Variants in SMYD3 observed in about 807,000 individuals in gnomAD.
The protein encoded by SMYD3 is histone-lysine N-methyltransferase SMYD3.
SMYD3 carries 36 observed loss-of-function variants against 57.7 expected under a neutral mutation model. That is an observed-to-expected ratio of 0.62 (90% confidence interval 0.48 to 0.82). The LOEUF (loss-of-function observed/expected upper bound fraction) is 0.82. Among genes scored for constraint, SMYD3 ranks in the 40% least tolerant of loss-of-function variants. The pLI, the probability that SMYD3 is intolerant of heterozygous loss-of-function variation, is 0.00. For missense variants in SMYD3, 515 were observed against 538.8 expected, an observed-to-expected ratio of 0.96 and a Z score of 0.44; for synonymous variants, 211 against 195.0, an observed-to-expected ratio of 1.08 and a Z score of -0.68.
intron 8 of SMYD3, among the ~76,000 whole-genome samples, chr1:245,887,583 T>C (rs2053158155): frequency 6.6e-6 from 1 of 152,186 alleles, no homozygotes; most frequent in Non-Finnish European, 1.5e-5. Flanking sequence ...TTTGAAACCA[T>C]CTCAATGAAA....
intron 5 of SMYD3, among the ~76,000 whole-genome samples, chr1:245,934,260 A>G (rs2056880993): frequency 1.3e-5 from 2 of 152,196 alleles, no homozygotes; most frequent in African/African-American, 4.8e-5. Flanking sequence ...TGGAAGGAGG[A>G]AGAGTTGGCA....
In SMYD3 at chr1:246,223,411, A is replaced by G. The variant is rs1289207956; in HGVS notation, c.531+103790T>C. On this transcript the variant is annotated intron_variant, in intron 5 of 11. Transcript: ENST00000490107. Reference sequence around the variant, plus strand: ...AGCACCTGACTGGGAGTAACTACTGAACTGGAAAAGATAGAGGCAGCCTGA... The same window carrying G: ...AGCACCTGACTGGGAGTAACTACTGGACTGGAAAAGATAGAGGCAGCCTGA... 2.0e-5 allele frequency among the ~76,000 whole-genome samples: 3 copies of G among 152,098 alleles called. 1 individual carries two copies. Among genetic ancestry groups the G allele is most frequent in the African/African-American group, 7.3e-5 (3 of 41,370 alleles).
chr1:245,920,185 C>A (rs1024743215), intron 7 of SMYD3, among the ~76,000 whole-genome samples: 3 of 151,904 alleles, frequency 2.0e-5, no homozygotes, highest in South Asian at 4.2e-4. Flanking sequence ...TGGTGGCGGG[C>A]GCCTGTAGTC....
intron 5 of SMYD3, among the ~76,000 whole-genome samples, chr1:246,102,473 C>G (rs1019028719): frequency 2.0e-5 from 3 of 152,110 alleles, no homozygotes; most frequent in Non-Finnish European, 2.9e-5. Flanking sequence ...TCCTCTCTTT[C>G]TCACTCAACC....
intron 9 of SMYD3, among the ~76,000 whole-genome samples, chr1:245,859,123 G>A (rs2051404740): frequency 6.6e-6 from 1 of 152,126 alleles, no homozygotes; most frequent in African/African-American, 2.4e-5. Context: ...GCTCATGTTT[G>A]CTTCTGTGTT....
intron 5 of SMYD3, among the ~76,000 whole-genome samples, chr1:246,252,465 T>C (rs1558351065): frequency 6.6e-6 from 1 of 152,202 alleles, no homozygotes; most frequent in Non-Finnish European, 1.5e-5. Context: ...CAAGGTCACA[T>C]AGACAGTAAG....
intron 5 of SMYD3, among the ~76,000 whole-genome samples, chr1:246,180,797 A>C (rs1205365907): frequency 1.9e-5 from 2 of 106,098 alleles, no homozygotes; most frequent in Non-Finnish European, 1.9e-5. Flanking sequence ...AAAAAAAAAA[A>C]CAACTCAGGA....
chr1:245,867,647 C>A (rs548133155), intron 8 of SMYD3, among the ~76,000 whole-genome samples: 2 of 142,514 alleles, frequency 1.4e-5, no homozygotes, highest in Admixed American at 6.9e-5. Flanking sequence ...TATGTGCATG[C>A]GCGTGCGTGT....
intron 5 of SMYD3, among the ~76,000 whole-genome samples, chr1:246,006,931 C>T (rs979410662): frequency 2.6e-5 from 4 of 152,184 alleles, no homozygotes; most frequent in African/African-American, 9.7e-5. Flanking sequence ...AGCCAGAGCT[C>T]GAGAAAAGGC....
At chr1:246,235,038 T>C (rs2063491500) in intron 5 of SMYD3, among the ~76,000 whole-genome samples, 1 of 152,172 alleles carries the variant, frequency 6.6e-6, no homozygotes, top group Non-Finnish European at 1.5e-5. Context: ...TGGAATCACG[T>C]TTTACTTTGC....
intron 1 of SMYD3, among the ~76,000 whole-genome samples, chr1:246,417,761 T>C (rs2067084680): frequency 6.6e-6 from 1 of 152,188 alleles, no homozygotes; most frequent in African/African-American, 2.4e-5. Context: ...GCTTATTACT[T>C]AGCAGAATTC....
chr1:245,858,502 G>C lies in SMYD3; in HGVS notation c.1070C>G (p.Pro357Arg). The change falls in exon 10 of 12, where the codon CCA becomes CGA. Residue 357 changes from proline (P) to arginine (R), a missense_variant. Pro to Arg is a moderately radical substitution (Grantham distance 103). Transcript: ENST00000490107. Reference protein sequence around the residue: ...ALFYGTRTMEPYRIFFPGSHP... With the variant: ...ALFYGTRTMERYRIFFPGSHP... ...CCCTCTCCCTGGGACTTGCCTGTAT[G>C]GCTCCATGGTCCGAGTACCATAGAA... 1.2e-6 allele frequency: 2 copies of C among 1,613,576 alleles called. No individual in the cohort carries two copies. Among genetic ancestry groups the C allele is most frequent in the Non-Finnish European group, 1.7e-6 (2 of 1,179,822 alleles).
At chr1:245,989,835 G>A (rs2058781227) in intron 5 of SMYD3, among the ~76,000 whole-genome samples, 1 of 152,156 alleles carries the variant, frequency 6.6e-6, no homozygotes, top group African/African-American at 2.4e-5. Context: ...ATCTATTAAT[G>A]AAATTATGTT....
intron 10 of SMYD3, among the ~76,000 whole-genome samples, chr1:245,833,086 T>A (rs928840276): frequency 9.2e-6 from 1 of 108,216 alleles, no homozygotes; most frequent in Non-Finnish European, 2.0e-5. Flanking sequence ...CCTGCTTTTA[T>A]AATGCTGATT....
At chr1:246,407,834 C>T (rs1419253222) in intron 1 of SMYD3, among the ~76,000 whole-genome samples, 1 of 142,282 alleles carries the variant, frequency 7.0e-6, no homozygotes, top group Non-Finnish European at 1.5e-5. Context: ...AGCAAGACTC[C>T]GTCTCAAAAT....
intron 10 of SMYD3, among the ~76,000 whole-genome samples, chr1:245,813,062 T>G (rs1275449695): frequency 3.6e-5 from 5 of 138,432 alleles, no homozygotes; most frequent in Non-Finnish European, 7.6e-5. Context: ...TTGCCCAGGC[T>G]GGAGTGCAGT....
Position 246,260,722 on chromosome 1 carries a change from C to T in SMYD3, c.531+66479G>A, listed in dbSNP as rs376777758. Among the ~76,000 whole-genome samples the T allele has an allele frequency of 2.0e-4, 30 of 152,082 alleles. 1 individual carries two copies. The highest frequency in any genetic ancestry group is 1.7e-3 in the East Asian group (9 of 5,168). ...CTAGATTACCAGGCGTGAGCCACTG[C>T]GCCCAGCCCCATTTTCCTTCTTGAA... On this transcript the variant is annotated intron_variant, in intron 5 of 11. Transcript: ENST00000490107.
chr1:246,269,556 G>GTTTTTTTTT (rs2064179641), intron 5 of SMYD3, among the ~76,000 whole-genome samples: 1 of 107,470 alleles, frequency 9.3e-6, no homozygotes, highest in Admixed American at 8.8e-5. Flanking sequence ...TTTTTTTTTT[G>GTTTTTTTTT]TTTTTGTTGT....
Position 245,907,752 on chromosome 1 carries a change from A to T in SMYD3, c.813+7778T>A, listed in dbSNP as rs561946927. Among the ~76,000 whole-genome samples the T allele has an allele frequency of 6.8e-4, 103 of 152,332 alleles. 1 individual carries two copies. The highest frequency in any genetic ancestry group is 3.1e-3 in the South Asian group (15 of 4,828). On this transcript the variant is annotated intron_variant, in intron 8 of 11. Coordinates refer to ENST00000490107, the MANE Select transcript of SMYD3 (RefSeq NM_001167740.2). ...TGGTTTAAATTCCCCCAATTAAAAG[A>T]TTGGCTGGATAGGTAGGAATAACAA...
Sources: allele counts gnomAD v4.1 joint callset (sites outside exome capture counted in the v4.1 genomes callset), GRCh38; gene constraint gnomAD v4.1.1; transcripts MANE v1.5; gene names NCBI Gene and HGNC (gene_info 2026-07-23, HGNC 2026-07-21).